The following DPH6 variants were observed in gnomAD, a reference collection of about 807,000 sequenced individuals.
The protein encoded by DPH6 is diphthamine biosynthesis 6.
DPH6 carries 33 observed loss-of-function variants against 38.2 expected under a neutral mutation model. That is an observed-to-expected ratio of 0.86 (90% confidence interval 0.65 to 1.15). DPH6 has a LOEUF of 1.15. Among genes scored for constraint, DPH6 ranks in the 50% most tolerant of loss-of-function variants. DPH6 has a pLI of 0.00. For missense variants in DPH6, 325 were observed against 320.0 expected (o/e 1.02, Z -0.12); for synonymous variants, 108 against 103.0 (o/e 1.05, Z -0.30).
intron 5 of DPH6, among the ~76,000 whole-genome samples, chr15:35,434,434 A>G (rs1201006682): frequency 6.6e-6 from 1 of 152,238 alleles, no homozygotes; most frequent in Non-Finnish European, 1.5e-5. Flanking sequence ...GAAAAGCAGT[A>G]AAACAAAAAA....
chr15:35,234,588 C>T (rs1266038184), intron 3 of DPH6, among the ~76,000 whole-genome samples: 2 of 152,190 alleles, frequency 1.3e-5, no homozygotes, highest in East Asian at 3.8e-4. Flanking sequence ...TAACAACACC[C>T]AAACTATGAC....
chr15:35,185,382 GT>G, the DPH6 span, among the ~76,000 whole-genome samples: 1 of 152,174 alleles, frequency 6.6e-6, no homozygotes, highest in South Asian at 2.1e-4. Context: ...GGAGTATAGT[GT>G]TCTGAAATGT....
intron 3 of DPH6, among the ~76,000 whole-genome samples, chr15:35,250,974 G>A (rs895945774): frequency 9.9e-5 from 15 of 151,894 alleles, no homozygotes; most frequent in Admixed American, 7.2e-4. Flanking sequence ...TTCATAAGTC[G>A]TGCCAAGCAA....
In DPH6 at chr15:35,386,873, T is replaced by C. The variant is rs898658840; in HGVS notation, c.568-4957A>G. ...AGATCCCATTTGTCAATTTTGGCTT[T>C]TGTTGCCATTGCTTTCGGTGTTTTA... On this transcript the variant is annotated intron_variant, in intron 6 of 8. Coordinates refer to ENST00000256538, the MANE Select transcript of DPH6 (RefSeq NM_080650.4). Among the ~76,000 whole-genome samples, 10 of 152,346 alleles carry C rather than the reference T, an allele frequency of 6.6e-5. 1 individual carries two copies. The highest frequency in any genetic ancestry group is 2.0e-4 in the Admixed American group (3 of 15,314).
intron 3 of DPH6, among the ~76,000 whole-genome samples, chr15:35,505,247 AG>A (rs1259907612): frequency 1.2e-4 from 19 of 152,120 alleles, no homozygotes; most frequent in African/African-American, 4.3e-4. Flanking sequence ...TGGATTAACT[AG>A]ATCTTTAAAG....
chr15:35,148,474 C>T, the DPH6 span, among the ~76,000 whole-genome samples: 1 of 151,952 alleles, frequency 6.6e-6, no homozygotes, highest in Non-Finnish European at 1.5e-5. Context: ...TCTAATAATC[C>T]GGTATAATTA....
chr15:35,351,716 ACTT>A (rs1158349905), intron 3 of DPH6, among the ~76,000 whole-genome samples: 98 of 147,916 alleles, frequency 6.6e-4, no homozygotes, highest in African/African-American at 1.8e-3. Context: ...TTGATGTCAG[ACTT>A]CTTTTTTTTT....
chr15:35,214,918 C>T (rs2051404009), downstream of DPH6, among the ~76,000 whole-genome samples: 1 of 152,108 alleles, frequency 6.6e-6, no homozygotes, highest in Non-Finnish European at 1.5e-5. Flanking sequence ...CTGGATACAA[C>T]TTCTTAATCG....
chr15:35,313,459 T>C (rs2052161584), intron 3 of DPH6, among the ~76,000 whole-genome samples: 1 of 152,118 alleles, frequency 6.6e-6, no homozygotes, highest in South Asian at 2.1e-4. Context: ...TATTAATTCT[T>C]CCAATCCATG....
rs796955271 is a variant in DPH6 at position 35,543,020 on chromosome 15, TA to T, written c.24-514del. Among the ~76,000 whole-genome samples the T allele has an allele frequency of 4.2e-3, 382 of 91,666 alleles. 3 individuals carry two copies. In the East Asian group the frequency reaches 0.047, roughly 11 times the overall value. 60.1% of individuals were successfully genotyped at this position (91,666 alleles called of 152,430 possible). On this transcript the variant is annotated intron_variant, in intron 1 of 8. Transcript: ENST00000256538. ...AAAAAAACTATTCTCTATGAGAAAG[TA>T]AAAAAAAAAACAAATTCTGCTCCAC... is the stretch of plus-strand genomic sequence containing the variant.
chr15:35,473,933 TGTGTGTGTGTGTGTGTGTGTGTGTGC>T (rs1184651957), intron 3 of DPH6, among the ~76,000 whole-genome samples: 5 of 65,526 alleles, frequency 7.6e-5, no homozygotes, highest in Non-Finnish European at 1.6e-4. Context: ...TGTGTGTGTG[TGTGTGTGTGTGTGTGTGTGTGTGTGC>T]GCGCGCGCGC....
the DPH6 span, among the ~76,000 whole-genome samples, chr15:35,177,593 AAAAAAAAATCATC>A: frequency 7.2e-6 from 1 of 139,570 alleles, no homozygotes; most frequent in Non-Finnish European, 1.6e-5. Context: ...AAAAAAAAAA[AAAAAAAAATCATC>A]ATCATCATCA....
chr15:35,520,159 C>T (rs1361785321), intron 3 of DPH6: 2 of 313,872 alleles, frequency 6.4e-6, no homozygotes, highest in Non-Finnish European at 9.2e-6. Context: ...TTCCATTTGT[C>T]CCTTCTTGGA....
chr15:35,509,073 T>C (rs544199167), intron 3 of DPH6, among the ~76,000 whole-genome samples: 53 of 152,204 alleles, frequency 3.5e-4, no homozygotes, highest in Non-Finnish European at 5.7e-4. Flanking sequence ...TTCACAGTTT[T>C]GTGATTAACA....
intron 3 of DPH6, among the ~76,000 whole-genome samples, chr15:35,341,775 C>T (rs772974900): frequency 5.3e-5 from 8 of 152,224 alleles, no homozygotes; most frequent in Non-Finnish European, 1.0e-4. Flanking sequence ...TGACCTGTCG[C>T]TGTTCCAAAC....
the DPH6 span, among the ~76,000 whole-genome samples, chr15:35,181,062 G>A: frequency 6.6e-6 from 1 of 152,140 alleles, no homozygotes; most frequent in East Asian, 1.9e-4. Flanking sequence ...GACAACTGAG[G>A]CTTAAAATAT....
chr15:35,476,255 C>A (rs763213567), intron 3 of DPH6, among the ~76,000 whole-genome samples: 6 of 151,768 alleles, frequency 4.0e-5, no homozygotes, highest in Non-Finnish European at 8.9e-5. Flanking sequence ...TCAGTTCCCT[C>A]ATTAGTAAAT....
the DPH6 span, among the ~76,000 whole-genome samples, chr15:35,193,039 T>C: frequency 1.3e-5 from 2 of 152,198 alleles, no homozygotes; most frequent in Middle Eastern, 3.2e-3. Context: ...AAAGTTCTAA[T>C]AGATCAAAGA....
At chr15:35,212,900 C>T (rs2051394718), downstream of DPH6, among the ~76,000 whole-genome samples, 1 of 151,906 alleles carries the variant, frequency 6.6e-6, no homozygotes, top group Admixed American at 6.6e-5. Context: ...GTTCTAATGC[C>T]AAAGAAAAGA....
Sources: gnomAD v4.1 joint callset for allele counts (sites outside exome capture counted in the v4.1 genomes callset) on GRCh38, gnomAD v4.1.1 for gene constraint, MANE v1.5 for transcripts, NCBI Gene and HGNC (gene_info 2026-07-23, HGNC 2026-07-21) for gene names.